Variants in FKBP9 observed in about 807,000 individuals in gnomAD.
FKBP9 encodes the protein FKBP prolyl isomerase 9, also known as peptidyl-prolyl cis-trans isomerase FKBP9.
In FKBP9, 27 loss-of-function variants were observed where a neutral mutation model predicts 55.6. That is an observed-to-expected ratio of 0.49 (90% confidence interval 0.36 to 0.67). FKBP9 has a LOEUF of 0.67. Ranked by LOEUF, FKBP9 falls within the 30% of genes least tolerant of loss-of-function variation. The pLI is 0.00. For synonymous variants in FKBP9, 267 were observed against 296.5 expected (o/e 0.90, Z 1.02); for missense variants, 539 against 742.8 (o/e 0.73, Z 3.19).
At position 32,957,637 on chromosome 7, in the gene FKBP9, G is replaced by T; in HGVS notation, c.64G>T (p.Gly22Trp). ...PLLLLLLWVT[G>W]QAAPVAGLGS... is the part of the protein sequence containing the mutation. ...GCTCCTGCTGCTGCTCTGGGTGACCGGGCAGGCAGCGCCCGTGGCGGGCCT... is the reference window on the plus strand; with the variant it reads ...GCTCCTGCTGCTGCTCTGGGTGACCTGGCAGGCAGCGCCCGTGGCGGGCCT... Residue 22 changes from glycine (G) to tryptophan (W), a missense_variant, in exon 1 of 10, where the codon GGG (glycine) becomes TGG (tryptophan). By Grantham distance (184) the Gly-to-Trp change is radical. This residue lies in a region of FKBP9 where 236 missense variants were observed against 271.5 expected (regional missense o/e 0.87). Coordinates refer to ENST00000242209, the MANE Select transcript of FKBP9 (RefSeq NM_007270.5). The T allele has an allele frequency of 6.7e-7, 1 of 1,497,586 alleles. No individual in the cohort carries two copies. The highest frequency in any genetic ancestry group is 8.8e-7 in the Non-Finnish European group (1 of 1,132,014). 92.8% of individuals were successfully genotyped at this position (1,497,586 alleles called of 1,614,324 possible).
In FKBP9 at chr7:33,006,278, C is replaced by T. The variant is rs1365778357; in HGVS notation, c.*927C>T. 10 of 188,664 alleles carry T rather than the reference C, an allele frequency of 5.3e-5. No individual in the cohort carries two copies. Among genetic ancestry groups the T allele is most frequent in the Admixed American group, 2.5e-4 (4 of 16,138 alleles). 11.7% of individuals were successfully genotyped at this position (188,664 alleles called of 1,614,324 possible). ...GACTACAGGTGTGCACCACCACGCC[C>T]GGCTAATTTTTGTATTTTTAGTAGA... On this transcript the variant is annotated 3_prime_UTR_variant, in exon 10 of 10. Transcript: ENST00000242209.
At chr7:32,981,406 T>C (rs949092222) in intron 5 of FKBP9, among the ~76,000 whole-genome samples, 4 of 152,252 alleles carry the variant, frequency 2.6e-5, no homozygotes, top group African/African-American at 9.6e-5. Flanking sequence ...TTCAAAGTTT[T>C]GTTTTGTTTA....
chr7:32,957,843 C>G (rs770949018), intron 1 of FKBP9, 49 bp downstream of exon 1: 6 of 1,339,372 alleles, frequency 4.5e-6, no homozygotes, highest in Non-Finnish European at 5.8e-6. Context: ...GCGCGTCCCT[C>G]TCTCCGGACA....
chr7:33,000,122 T>C lies in FKBP9; in HGVS notation c.1234T>C (p.Leu412=). The part of the protein sequence containing the change: ...DGTLLDSTWN[L]GKTYNIVLGS... ...TCTTCTGTTTCATTTTAGGTGGAAT[T>C]TAGGCAAAACTTACAATATTGTTCT... Residue 412 remains leucine (L), a synonymous_variant, in exon 8 of 10, where the codon TTA becomes CTA. Coordinates refer to ENST00000242209, the MANE Select transcript of FKBP9 (RefSeq NM_007270.5). The C allele has an allele frequency of 6.2e-7, 1 of 1,614,138 alleles. No individual in the cohort carries two copies.
intron 1 of FKBP9, chr7:32,963,445 G>A: frequency 2.4e-6 from 1 of 421,286 alleles, no homozygotes; most frequent in Non-Finnish European, 4.1e-6. Context: ...GGATTGAGGT[G>A]CTCAGTGGAT....
chr7:32,961,971 A>G (rs1784034645), intron 1 of FKBP9, among the ~76,000 whole-genome samples: 1 of 152,034 alleles, frequency 6.6e-6, no homozygotes, highest in South Asian at 2.1e-4. Context: ...TAATGGAAAT[A>G]AAGTGCACAA....
Position 33,005,673 on chromosome 7 carries a change from G to A in FKBP9, c.*322G>A, listed in dbSNP as rs3088060. On this transcript the variant is annotated 3_prime_UTR_variant, in exon 10 of 10. Transcript: ENST00000242209. ...ATTAAAGGAATATATAGTGTCAGAC[G>A]GAAGTTATAATCATCTTGGAGGAAC... 143,330 of 270,532 alleles carry A rather than the reference G, an allele frequency of 0.53. 40,257 individuals are homozygous for A. Among genetic ancestry groups the A allele is most frequent in the African/African-American group, 0.73 (33,761 of 46,412 alleles). The allele number at this position is 270,532 out of a possible 1,614,324, so 16.8% of individuals were successfully genotyped here.
chr7:32,984,129 T>C (rs1454394207), intron 5 of FKBP9, among the ~76,000 whole-genome samples: 1 of 152,226 alleles, frequency 6.6e-6, no homozygotes, highest in African/African-American at 2.4e-5. Context: ...TCTGTCCTCT[T>C]CCTAGAGTAT....
chr7:32,984,400 TG>T (rs1268125982), intron 5 of FKBP9, among the ~76,000 whole-genome samples: 1 of 152,058 alleles, frequency 6.6e-6, no homozygotes, highest in Admixed American at 6.6e-5. Context: ...CCTGTAGTGA[TG>T]CAAAAAAATT....
intron 5 of FKBP9, among the ~76,000 whole-genome samples, chr7:32,982,731 G>T: frequency 6.6e-6 from 1 of 152,084 alleles, no homozygotes; most frequent in East Asian, 1.9e-4. Context: ...TCATATAATG[G>T]AACCACAGTT....
chr7:32,974,383 G>C (rs1239404575), intron 1 of FKBP9, among the ~76,000 whole-genome samples: 1 of 148,438 alleles, frequency 6.7e-6, no homozygotes, highest in African/African-American at 2.5e-5. Context: ...TTTGGAGAGA[G>C]TTATGCTGAT....
intron 8 of FKBP9, among the ~76,000 whole-genome samples, chr7:33,001,311 G>A (rs1038880095): frequency 1.4e-4 from 22 of 152,242 alleles, no homozygotes; most frequent in African/African-American, 4.1e-4. Context: ...TTGGGATGCC[G>A]AGGTGGGCAG....
chr7:32,998,053 A>G (rs1049582132), intron 7 of FKBP9, among the ~76,000 whole-genome samples: 21 of 152,340 alleles, frequency 1.4e-4, no homozygotes, highest in South Asian at 4.1e-4. Context: ...AAAAATATGC[A>G]TTTTAGAATC....
chr7:32,961,906 A>T (rs1338748740), intron 1 of FKBP9, among the ~76,000 whole-genome samples: 1 of 152,062 alleles, frequency 6.6e-6, no homozygotes, highest in African/African-American at 2.4e-5. Context: ...GCTCCCACTG[A>T]TTCTACATTA....
intron 1 of FKBP9, among the ~76,000 whole-genome samples, chr7:32,964,785 G>T (rs1350323366): frequency 6.6e-6 from 1 of 152,240 alleles, no homozygotes; most frequent in Non-Finnish European, 1.5e-5. Flanking sequence ...CCCTTTGGGA[G>T]TGAATGTGTG....
intron 6 of FKBP9, among the ~76,000 whole-genome samples, chr7:32,990,244 A>C (rs566410425): frequency 6.6e-6 from 1 of 152,318 alleles, no homozygotes; most frequent in East Asian, 1.9e-4. Flanking sequence ...TCTTTGTAAA[A>C]GGGAGGCAGG....
At chr7:32,973,682 G>GT (rs745717239) in intron 1 of FKBP9, among the ~76,000 whole-genome samples, 1,683 of 64,974 alleles carry the variant, frequency 0.026, 350 homozygotes, top group East Asian at 0.076. Context: ...GTTTTTTGTT[G>GT]TTTTTTTTTT....
intron 1 of FKBP9, among the ~76,000 whole-genome samples, chr7:32,969,510 C>T (rs1784213616): frequency 6.6e-6 from 1 of 152,044 alleles, no homozygotes; most frequent in Non-Finnish European, 1.5e-5. Flanking sequence ...TAGCCTTAGC[C>T]CTTGTCAAAG....
chr7:32,991,013 A>G (rs1317443105), intron 6 of FKBP9, among the ~76,000 whole-genome samples: 1 of 152,278 alleles, frequency 6.6e-6, no homozygotes, highest in African/African-American at 2.4e-5. Context: ...TTCTTCACAC[A>G]TCCTGCTTGT....
Sources: allele counts gnomAD v4.1 joint callset (sites outside exome capture counted in the v4.1 genomes callset), GRCh38; gene constraint gnomAD v4.1.1; regional missense constraint gnomAD v4.1.1; transcripts MANE v1.5; gene names NCBI Gene and HGNC (gene_info 2026-07-23, HGNC 2026-07-21).